Variants in SMAP1 observed in about 807,000 individuals in gnomAD.
SMAP1 encodes the protein stromal membrane-associated protein 1.
Under a neutral mutation model 58.5 loss-of-function variants are expected in SMAP1, and 24 were observed. The ratio of observed to expected loss-of-function variants is 0.41; its 90% CI spans 0.30 to 0.58. SMAP1 has a LOEUF of 0.58. Among genes scored for constraint, SMAP1 ranks in the 20% least tolerant of loss-of-function variants. The probability of loss-of-function intolerance (pLI) is 0.29; values close to 1 mark genes in which losing one functional copy is unlikely to be tolerated. For synonymous variants in SMAP1, 216 were observed against 196.6 expected (o/e 1.10, Z -0.82); for missense variants, 563 against 566.3 (o/e 0.99, Z 0.06).
intron 7 of SMAP1, among the ~76,000 whole-genome samples, chr6:70,850,637 T>G (rs1771150036): frequency 6.6e-6 from 1 of 152,068 alleles, no homozygotes; most frequent in Non-Finnish European, 1.5e-5. Flanking sequence ...GTCTAATTGA[T>G]GACGATGTTT....
chr6:70,809,742 A>C (rs754157706), intron 6 of SMAP1, among the ~76,000 whole-genome samples: 4 of 152,226 alleles, frequency 2.6e-5, no homozygotes, highest in Admixed American at 6.5e-5. Context: ...AATGCAGCAG[A>C]TGTCTCACAG....
intron 8 of SMAP1, among the ~76,000 whole-genome samples, chr6:70,855,693 A>C (rs1282132183): frequency 6.6e-6 from 1 of 152,212 alleles, no homozygotes. Context: ...AAGTAAAGTA[A>C]CATGTCTGAG....
chr6:70,704,536 A>G (rs1206457536), intron 1 of SMAP1, among the ~76,000 whole-genome samples: 1 of 152,132 alleles, frequency 6.6e-6, no homozygotes, highest in African/African-American at 2.4e-5. Flanking sequence ...CTTCCATTTC[A>G]TAGAATGGTG....
intron 2 of SMAP1, among the ~76,000 whole-genome samples, chr6:70,738,357 G>T (rs775842557): frequency 1.4e-4 from 21 of 151,762 alleles, no homozygotes; most frequent in Admixed American, 6.6e-4. Context: ...AGTCAAAAGA[G>T]TGTGAAAAGA....
At chr6:70,856,551 C>CT (rs1263118589) in intron 8 of SMAP1, 4 of 206,688 alleles carry the variant, frequency 1.9e-5, no homozygotes, top group Admixed American at 5.7e-5. Context: ...CCTCTCATCT[C>CT]TAACTATTGT....
intron 6 of SMAP1, among the ~76,000 whole-genome samples, chr6:70,832,709 G>A (rs1770412174): frequency 6.6e-6 from 1 of 152,194 alleles, no homozygotes; most frequent in South Asian, 2.1e-4. Context: ...GGGCAAGAGA[G>A]CACTTGAACA....
intron 3 of SMAP1, among the ~76,000 whole-genome samples, chr6:70,765,238 G>C (rs554428042): frequency 2.2e-4 from 34 of 152,270 alleles, no homozygotes; most frequent in African/African-American, 7.7e-4. Flanking sequence ...CCACCATATA[G>C]AGCCTCACTT....
rs71778296 is a variant in SMAP1 at position 70,688,085 on chromosome 6, TACTC to T, written c.118+19946_118+19949del. Among the ~76,000 whole-genome samples, 5,580 of 152,296 alleles carry T rather than the reference TACTC, an allele frequency of 0.037. 416 individuals carry two copies. The East Asian group carries it at 0.37, about 10-fold the overall frequency. ...ATATGTAACCTTCTGGGATCGGCCT[TACTC>T]AGTGTAATTCTTTCAAGACACATCC... On this transcript the variant is annotated intron_variant, in intron 1 of 10. Transcript: ENST00000370455.
At chr6:70,722,245 G>T (rs999635255) in intron 1 of SMAP1, among the ~76,000 whole-genome samples, 14 of 152,190 alleles carry the variant, frequency 9.2e-5, no homozygotes, top group African/African-American at 3.1e-4. Context: ...ATATTTGCCT[G>T]CCCTATATCC....
intron 1 of SMAP1, among the ~76,000 whole-genome samples, chr6:70,712,797 C>CTTTT (rs576020234): frequency 8.1e-6 from 1 of 123,554 alleles, no homozygotes; most frequent in Non-Finnish European, 1.7e-5. Context: ...TTTTTCTTTT[C>CTTTT]TTTTTTTTTT....
intron 5 of SMAP1, among the ~76,000 whole-genome samples, chr6:70,794,788 C>CTTTTTTTTT (rs34050089): frequency 8.7e-6 from 1 of 114,988 alleles, no homozygotes; most frequent in African/African-American, 3.5e-5. Context: ...ATTTTCTTTT[C>CTTTTTTTTT]TTTTTTTTTT....
intron 4 of SMAP1, among the ~76,000 whole-genome samples, chr6:70,787,026 A>T (rs1448378973): frequency 6.6e-6 from 1 of 152,182 alleles, no homozygotes; most frequent in Non-Finnish European, 1.5e-5. Context: ...AGCTGGAGGC[A>T]TCACGCTACC....
At chr6:70,830,220 G>C (rs765038784) in intron 6 of SMAP1, among the ~76,000 whole-genome samples, 1 of 152,188 alleles carries the variant, frequency 6.6e-6, no homozygotes, top group Non-Finnish European at 1.5e-5. Flanking sequence ...CCTATGCAAT[G>C]TTTTCAATAG....
At chr6:70,719,975 A>C (rs1336871319) in intron 1 of SMAP1, among the ~76,000 whole-genome samples, 1 of 152,160 alleles carries the variant, frequency 6.6e-6, no homozygotes, top group African/African-American at 2.4e-5. Flanking sequence ...CTCACATTTC[A>C]AGACTAATCA....
At chr6:70,680,712 GTTTTTTTTT>G (rs34867967) in intron 1 of SMAP1, among the ~76,000 whole-genome samples, 3 of 78,980 alleles carry the variant, frequency 3.8e-5, no homozygotes, top group Admixed American at 1.9e-4. Context: ...TGGATTTCCT[GTTTTTTTTT>G]TTTTTTTTTT....
At chr6:70,734,056 A>G (rs944732849) in intron 2 of SMAP1, among the ~76,000 whole-genome samples, 1 of 151,738 alleles carries the variant, frequency 6.6e-6, no homozygotes, top group Non-Finnish European at 1.5e-5. Context: ...AAATAATAAT[A>G]TTTGAAATTG....
intron 1 of SMAP1, among the ~76,000 whole-genome samples, chr6:70,729,009 T>A (rs1281250403): frequency 2.0e-5 from 3 of 152,232 alleles, no homozygotes; most frequent in Non-Finnish European, 4.4e-5. Flanking sequence ...ACATCTTTTT[T>A]TTTTCCCTGT....
chr6:70,706,346 G>A (rs1384098525), intron 1 of SMAP1, among the ~76,000 whole-genome samples: 1 of 152,016 alleles, frequency 6.6e-6, no homozygotes, highest in African/African-American at 2.4e-5. Context: ...TAAAAATCTT[G>A]ACTGGTTAAA....
chr6:70,694,977 C>G (rs148336442), intron 1 of SMAP1, among the ~76,000 whole-genome samples: 1 of 152,098 alleles, frequency 6.6e-6, no homozygotes, highest in Non-Finnish European at 1.5e-5. Context: ...TTCAGTTTCT[C>G]GCATCAATGT....
Sources: allele counts gnomAD v4.1 joint callset (sites outside exome capture counted in the v4.1 genomes callset), GRCh38; gene constraint gnomAD v4.1.1; transcripts MANE v1.5; gene names NCBI Gene and HGNC (gene_info 2026-07-23, HGNC 2026-07-21).